Variants in NAA35 observed in about 807,000 individuals in gnomAD.
The protein encoded by NAA35 is MAK10 homolog, amino-acid N-acetyltransferase subunit.
Under a neutral mutation model 101.7 loss-of-function variants are expected in NAA35, and 18 were observed. The observed-to-expected ratio is 0.18, with a 90% CI of 0.12 to 0.26. The LOEUF (loss-of-function observed/expected upper bound fraction) is 0.26, where lower values mean the gene tolerates loss of function less well. Ranked by LOEUF, NAA35 falls within the 10% of genes least tolerant of loss-of-function variation. NAA35 has a pLI of 1.00. For synonymous variants in NAA35, 267 were observed against 273.1 expected (o/e 0.98, Z 0.22); for missense variants, 601 against 886.8 (o/e 0.68, Z 4.09).
chr9:85,985,928 A>T (rs922090226), intron 11 of NAA35, among the ~76,000 whole-genome samples: 2 of 152,236 alleles, frequency 1.3e-5, no homozygotes, highest in Non-Finnish European at 2.9e-5. Flanking sequence ...GATGTGCTCC[A>T]TTAAAACATG....
At chr9:86,011,873 A>G (rs1417932940) in intron 15 of NAA35, among the ~76,000 whole-genome samples, 1 of 141,838 alleles carries the variant, frequency 7.1e-6, no homozygotes, top group African/African-American at 2.6e-5. Context: ...ACTTATTTAA[A>G]TATATAAATA....
At chr9:85,950,169 T>C (rs1828952438) in intron 2 of NAA35, among the ~76,000 whole-genome samples, 3 of 152,160 alleles carry the variant, frequency 2.0e-5, no homozygotes, top group Non-Finnish European at 4.4e-5. Flanking sequence ...TCATGCAGGG[T>C]GGGGCTTGTA....
intron 15 of NAA35, among the ~76,000 whole-genome samples, chr9:86,011,253 A>T (rs542117455): frequency 4.2e-4 from 64 of 152,186 alleles, no homozygotes; most frequent in African/African-American, 1.1e-3. Context: ...AAAAATTAAA[A>T]TTATTAATTT....
At chr9:85,989,957 A>G (rs1181856893) in intron 11 of NAA35, among the ~76,000 whole-genome samples, 1 of 152,206 alleles carries the variant, frequency 6.6e-6, no homozygotes, top group Non-Finnish European at 1.5e-5. Context: ...GGCGATAGAG[A>G]TAAGATTATT....
rs1337903960 is a variant in NAA35, at chr9:86,024,447, G to T, written c.*2487G>T. Among the ~76,000 whole-genome samples the T allele has an allele frequency of 2.0e-5, 3 of 152,188 alleles. No homozygotes were observed. Among genetic ancestry groups the T allele is most frequent in the Admixed American group, 1.3e-4 (2 of 15,290 alleles). On this transcript the variant is annotated 3_prime_UTR_variant, in exon 23 of 23. Coordinates refer to ENST00000361671, the MANE Select transcript of NAA35 (RefSeq NM_024635.4). The stretch of plus-strand genomic sequence containing the variant: ...TATTGGTAGATTCTACTGAAGGCTT[G>T]TATGCAGGGACATGATGGGATCAAG...
intron 6 of NAA35, among the ~76,000 whole-genome samples, chr9:85,967,125 T>TGA (rs749045746): frequency 1.3e-5 from 2 of 151,866 alleles, no homozygotes; most frequent in Non-Finnish European, 2.9e-5. Flanking sequence ...GGTGACAGAG[T>TGA]GAGAGTCCAT....
chr9:86,007,288 G>A (rs1219628907), intron 13 of NAA35, 70 bp from the exon 14 acceptor site: 2 of 1,116,298 alleles, frequency 1.8e-6, no homozygotes, highest in Non-Finnish European at 2.7e-6. Flanking sequence ...GCATTTATAA[G>A]TATACTGATT....
chr9:85,973,647 G>C (rs113171888), intron 6 of NAA35, among the ~76,000 whole-genome samples: 151 of 152,204 alleles, frequency 9.9e-4, no homozygotes, highest in African/African-American at 3.5e-3. Context: ...TAGGCGTCAA[G>C]CTCCTTTTTG....
intron 13 of NAA35, among the ~76,000 whole-genome samples, chr9:86,004,428 G>A (rs1406543273): frequency 2.3e-4 from 3 of 12,862 alleles, no homozygotes; most frequent in African/African-American, 3.8e-4. Flanking sequence ...GCAGTGAGCT[G>A]TGATCCCACC....
At chr9:86,015,923 C>T (rs1012520499) in intron 17 of NAA35, 1 of 222,066 alleles carries the variant, frequency 4.5e-6, no homozygotes, top group African/African-American at 2.3e-5. Context: ...TAAAAGGGTA[C>T]TATAGTAAAT....
intron 11 of NAA35, among the ~76,000 whole-genome samples, chr9:85,987,655 T>G (rs1830709842): frequency 6.6e-6 from 1 of 152,242 alleles, no homozygotes; most frequent in South Asian, 2.1e-4. Context: ...ATGGCTCTGA[T>G]GTTTCTACTC....
chr9:85,943,860 C>T (rs1483055336), intron 2 of NAA35, among the ~76,000 whole-genome samples: 2 of 152,138 alleles, frequency 1.3e-5, no homozygotes, highest in Non-Finnish European at 2.9e-5. Flanking sequence ...TTATTCTAGA[C>T]TGAGATGAAC....
At chr9:85,984,398 GATTGA>G (rs1196897668) in intron 11 of NAA35, among the ~76,000 whole-genome samples, 1 of 152,180 alleles carries the variant, frequency 6.6e-6, no homozygotes, top group Non-Finnish European at 1.5e-5. Flanking sequence ...TGAATGCTCA[GATTGA>G]AAGGGCCAAT....
Position 85,962,056 on chromosome 9 carries a change from C to T in NAA35, c.392C>T (p.Thr131Met), listed in dbSNP as rs773291296. The T allele has an allele frequency of 3.7e-6, 6 of 1,613,644 alleles. No homozygotes were observed. The highest frequency in any genetic ancestry group is 5.1e-6 in the Non-Finnish European group (6 of 1,179,782). Residue 131 changes from threonine (T) to methionine (M), a missense_variant, in exon 6 of 23, where the codon ACG (threonine) becomes ATG (methionine). Coordinates refer to ENST00000361671, the MANE Select transcript of NAA35 (RefSeq NM_024635.4). ...EGHSLAQTVF[T>M]CLYIHNPDFI... is the part of the protein sequence containing the mutation. Reference sequence around the variant, plus strand: ...CATTCACTGGCACAGACAGTATTTACGTGCCTTTACATTCATAATCCAGAC... The same window carrying T: ...CATTCACTGGCACAGACAGTATTTATGTGCCTTTACATTCATAATCCAGAC...
chr9:85,942,094 C>A (rs1397321213), intron 1 of NAA35, 61 bp from the exon 2 acceptor site: 2 of 1,573,488 alleles, frequency 1.3e-6, no homozygotes, highest in Non-Finnish European at 1.7e-6. Flanking sequence ...ACACCCATTT[C>A]TGCAAATACT....
intron 3 of NAA35, among the ~76,000 whole-genome samples, chr9:85,958,126 A>G (rs1829355133): frequency 6.6e-6 from 1 of 151,984 alleles, no homozygotes; most frequent in South Asian, 2.1e-4. Flanking sequence ...TTTTTAGTAA[A>G]GATGGGGTTT....
At chr9:85,974,821 A>G (rs925206347) in intron 6 of NAA35, 146 bp from the exon 7 acceptor site, 2 of 611,558 alleles carry the variant, frequency 3.3e-6, no homozygotes, top group African/African-American at 1.9e-5. Context: ...TATCCTAGCA[A>G]TATTTAGACA....
chr9:86,015,674 A>G, intron 17 of NAA35: 1 of 873,600 alleles, frequency 1.1e-6, no homozygotes, highest in Non-Finnish European at 1.4e-6. Context: ...CTTAGACATA[A>G]ATGTATATTA....
Position 85,996,611 on chromosome 9 carries a change from C to T in NAA35, c.1056+34C>T, listed in dbSNP as rs370054587. 5 of 1,444,900 alleles carry T rather than the reference C, an allele frequency of 3.5e-6. No individual in the cohort carries two copies. In the African/African-American group the frequency reaches 7.3e-5, roughly 21 times the overall value. The allele number at this position is 1,444,900 out of a possible 1,614,324, so 89.5% of individuals were successfully genotyped here. A position where few individuals can be genotyped will look rare whatever the true frequency, so the allele number is the denominator to read the frequency against. ...AAATCTCTGTTCCAGAATGTAACTT[C>T]CATTTAAAAAAAATTGATACATAAT... On this transcript the variant is annotated intron_variant, in intron 12 of 22. Coordinates refer to ENST00000361671, the MANE Select transcript of NAA35 (RefSeq NM_024635.4).
Sources: allele counts gnomAD v4.1 joint callset (sites outside exome capture counted in the v4.1 genomes callset), GRCh38; gene constraint gnomAD v4.1.1; transcripts MANE v1.5; gene names NCBI Gene and HGNC (gene_info 2026-07-23, HGNC 2026-07-21).